The following KIAA0825 variants were observed in gnomAD, a reference collection of about 807,000 sequenced individuals.
KIAA0825 encodes the protein KIAA0825.
In KIAA0825, 119 loss-of-function variants were observed where a neutral mutation model predicts 147.6. The ratio of observed to expected loss-of-function variants is 0.81; its 90% CI spans 0.69 to 0.94. The LOEUF (loss-of-function observed/expected upper bound fraction) is 0.94. KIAA0825 is among the 40% of genes least tolerant of loss of function. KIAA0825 has a pLI of 0.00. For synonymous variants in KIAA0825, 470 were observed against 518.1 expected (o/e 0.91, Z 1.26); for missense variants, 1,381 against 1,472.7 (o/e 0.94, Z 1.02).
At chr5:94,536,878 G>A (rs1772133295) in intron 3 of KIAA0825, 118 bp downstream of exon 3, 2 of 646,858 alleles carry the variant, frequency 3.1e-6, no homozygotes, top group Non-Finnish European at 5.1e-6. Context: ...TATTTTGGGG[G>A]AAAGTTAATG....
At chr5:94,295,446 T>A (rs571544690) in intron 20 of KIAA0825, among the ~76,000 whole-genome samples, 1 of 152,190 alleles carries the variant, frequency 6.6e-6, no homozygotes, top group African/African-American at 2.4e-5. Context: ...TCATTCTCCA[T>A]CTAGTTTTGT....
At chr5:94,226,103 C>T (rs955370391) in intron 20 of KIAA0825, among the ~76,000 whole-genome samples, 4 of 152,142 alleles carry the variant, frequency 2.6e-5, no homozygotes, top group African/African-American at 9.7e-5. Flanking sequence ...AAAAGTTTTG[C>T]CATCTACCCA....
At chr5:94,281,984 T>C (rs1777490765) in intron 20 of KIAA0825, among the ~76,000 whole-genome samples, 1 of 152,118 alleles carries the variant, frequency 6.6e-6, no homozygotes, top group Non-Finnish European at 1.5e-5. Context: ...TCCCATCCCA[T>C]ACCATCTGAC....
At chr5:94,272,135 A>G (rs1021969284) in intron 20 of KIAA0825, among the ~76,000 whole-genome samples, 2 of 147,520 alleles carry the variant, frequency 1.4e-5, no homozygotes, top group Admixed American at 1.4e-4. Flanking sequence ...AAAAAAAACT[A>G]AGACAATTGA....
At chr5:94,561,634 C>A (rs1777571021) in intron 2 of KIAA0825, among the ~76,000 whole-genome samples, 1 of 152,298 alleles carries the variant, frequency 6.6e-6, no homozygotes, top group South Asian at 2.1e-4. Flanking sequence ...TTAATCTGAT[C>A]ATTTCACTAC....
At chr5:94,237,276 T>G (rs1775100104) in intron 20 of KIAA0825, among the ~76,000 whole-genome samples, 1 of 152,192 alleles carries the variant, frequency 6.6e-6, no homozygotes, top group Non-Finnish European at 1.5e-5. Flanking sequence ...CCTCATGTGA[T>G]GGACACACTA....
intron 20 of KIAA0825, among the ~76,000 whole-genome samples, chr5:94,323,769 T>C (rs1562378786): frequency 6.6e-6 from 1 of 151,858 alleles, no homozygotes; most frequent in African/African-American, 2.4e-5. Flanking sequence ...GATATTTTGT[T>C]GGAGGGAAAG....
Position 94,276,504 on chromosome 5 carries a change from C to T in KIAA0825, c.3710+107864G>A, listed in dbSNP as rs559911990. On this transcript the variant is annotated intron_variant, in intron 20 of 20. Coordinates refer to ENST00000682413, the MANE Select transcript of KIAA0825 (RefSeq NM_001145678.3). ...GTAGCAGAAAGAGTGTGGGATTTGA[C>T]AAGCCTAGATTAAAATCGCTATGCC... Among the ~76,000 whole-genome samples the T allele has an allele frequency of 2.0e-5, 3 of 151,592 alleles. No individual in the cohort carries two copies. In the South Asian group the frequency reaches 6.3e-4, roughly 32 times the overall value.
intron 1 of KIAA0825, chr5:94,593,012 A>C (rs576963832): frequency 9.5e-6 from 6 of 632,946 alleles, no homozygotes; most frequent in Non-Finnish European, 1.5e-5. Context: ...CAAAAGCAGA[A>C]GATCAGTCTA....
At chr5:94,460,695 C>T (rs368017292) in intron 12 of KIAA0825, among the ~76,000 whole-genome samples, 8 of 151,956 alleles carry the variant, frequency 5.3e-5, no homozygotes, top group African/African-American at 1.7e-4. Context: ...CTCAATAAGT[C>T]AGTAGAGTTC....
intron 20 of KIAA0825, among the ~76,000 whole-genome samples, chr5:94,379,000 A>T (rs1487346183): frequency 6.6e-6 from 1 of 152,148 alleles, no homozygotes; most frequent in Non-Finnish European, 1.5e-5. Flanking sequence ...GATGGTGGAT[A>T]TTAGACCTTT....
chr5:94,439,551 TG>T (rs33967784), intron 14 of KIAA0825, among the ~76,000 whole-genome samples: 35,043 of 152,024 alleles, frequency 0.23, 4,508 homozygotes, highest in Middle Eastern at 0.31. Flanking sequence ...GTTTGTAAGT[TG>T]CACAAGCACC....
intron 20 of KIAA0825, among the ~76,000 whole-genome samples, chr5:94,302,020 T>A (rs907715796): frequency 1.3e-5 from 2 of 152,158 alleles, no homozygotes; most frequent in Non-Finnish European, 2.9e-5. Context: ...CTGAAAGGCA[T>A]AAAAGGTGAT....
chr5:94,226,255 T>G (rs1009085856), intron 20 of KIAA0825, among the ~76,000 whole-genome samples: 1 of 151,476 alleles, frequency 6.6e-6, no homozygotes, highest in Non-Finnish European at 1.5e-5. Context: ...CCAACAGACA[T>G]ATGAAAAAAT....
intron 10 of KIAA0825, among the ~76,000 whole-genome samples, chr5:94,466,146 G>C (rs1760466924): frequency 2.0e-5 from 3 of 151,578 alleles, no homozygotes; most frequent in African/African-American, 7.3e-5. Flanking sequence ...AAAATCTGCT[G>C]TTCTCTTATA....
chr5:94,209,999 T>C (rs1034602215), intron 20 of KIAA0825, among the ~76,000 whole-genome samples: 1 of 152,208 alleles, frequency 6.6e-6, no homozygotes, highest in African/African-American at 2.4e-5. Context: ...TGCTTCGACA[T>C]GATTTGTCAC....
In KIAA0825 at chr5:94,490,279, G is replaced by A. The variant is rs138194698; in HGVS notation, c.971-5349C>T. On this transcript the variant is annotated intron_variant, in intron 5 of 20. Coordinates refer to ENST00000682413, the MANE Select transcript of KIAA0825 (RefSeq NM_001145678.3). The stretch of plus-strand genomic sequence containing the variant: ...AAAACAAAGTGAATGAAATCCCATC[G>A]ATCCTAGAAATAGTTAGGTTCAGGC... Among the ~76,000 whole-genome samples, 6 of 152,030 alleles carry A rather than the reference G, an allele frequency of 3.9e-5. No homozygotes were observed. The East Asian group carries it at 9.7e-4, about 24-fold the overall frequency.
At chr5:94,537,433 C>G (rs577408837) in intron 2 of KIAA0825, among the ~76,000 whole-genome samples, 1 of 151,896 alleles carries the variant, frequency 6.6e-6, no homozygotes, top group African/African-American at 2.4e-5. Context: ...GGGTGGATCA[C>G]GAGGTCAGGA....
intron 20 of KIAA0825, among the ~76,000 whole-genome samples, chr5:94,330,600 T>C (rs1781165914): frequency 6.6e-6 from 1 of 151,936 alleles, no homozygotes; most frequent in African/African-American, 2.4e-5. Context: ...ATGCTTGAAG[T>C]TGAAAAGAGA....
Sources: gnomAD v4.1 joint callset for allele counts (sites outside exome capture counted in the v4.1 genomes callset) on GRCh38, gnomAD v4.1.1 for gene constraint, MANE v1.5 for transcripts, NCBI Gene and HGNC (gene_info 2026-07-23, HGNC 2026-07-21) for gene names.